Variants in RIMS1 observed in about 807,000 individuals in gnomAD.
RIMS1 encodes the protein regulating synaptic membrane exocytosis 1, also known as regulating synaptic membrane exocytosis protein 1.
In RIMS1, 83 loss-of-function variants were observed where a neutral mutation model predicts 214.1. The observed-to-expected ratio is 0.39, with a 90% CI of 0.32 to 0.47. RIMS1 has a LOEUF of 0.47. RIMS1 is among the 20% of genes least tolerant of loss of function. The pLI is 0.99. For synonymous variants in RIMS1, 793 were observed against 786.8 expected (o/e 1.01, Z -0.13); for missense variants, 2,050 against 2,161.8 (o/e 0.95, Z 1.03).
At chr6:72,400,437 C>A in intron 33 of RIMS1, 59 bp from the exon 34 acceptor site, 2 of 1,442,238 alleles carry the variant, frequency 1.4e-6, no homozygotes, top group Non-Finnish European at 2.0e-6. Context: ...TTGCTTTGAG[C>A]CCTTCGAATG....
At chr6:72,114,253 T>C (rs2036642333) in intron 4 of RIMS1, among the ~76,000 whole-genome samples, 1 of 152,032 alleles carries the variant, frequency 6.6e-6, no homozygotes, top group African/African-American at 2.4e-5. Context: ...TTTAAATGTG[T>C]ACAGAGTAGT....
chr6:72,202,883 A>C (rs1157932484), intron 6 of RIMS1, among the ~76,000 whole-genome samples: 1 of 152,240 alleles, frequency 6.6e-6, no homozygotes, highest in Non-Finnish European at 1.5e-5. Context: ...TAATAATTGC[A>C]CATACCGCAT....
At position 72,260,722 on chromosome 6, in the gene RIMS1, C is replaced by T; in HGVS notation, c.3071C>T (p.Pro1024Leu). 2 of 1,612,426 alleles carry T rather than the reference C, an allele frequency of 1.2e-6. No homozygotes were observed. The highest frequency in any genetic ancestry group is 1.7e-6 in the Non-Finnish European group (2 of 1,178,960). ...CTGTGCAGTGAGCTTCTTATGCTGC[C>T]CAGAGCAAAACGAGGACGAAGTGCA... is the stretch of plus-strand genomic sequence containing the variant. ...SEQDSELLML[P>L]RAKRGRSAEC... is the part of the protein sequence containing the mutation. The change falls in exon 19 of 34, where the codon CCC (proline) becomes CTC (leucine). Residue 1024 changes from proline to leucine, a missense_variant. Physicochemically the swap from Pro to Leu is moderately conservative, Grantham distance 98 (BLOSUM62 -3). This residue lies in a region of RIMS1 where 889 missense variants were observed against 885.5 expected (regional missense o/e 1.00). Transcript: ENST00000521978.
At chr6:72,129,314 A>G (rs560940278) in intron 4 of RIMS1, among the ~76,000 whole-genome samples, 4 of 152,304 alleles carry the variant, frequency 2.6e-5, no homozygotes, top group Non-Finnish European at 2.9e-5. Flanking sequence ...ACATTTCACT[A>G]TATAGAGAAT....
chr6:71,949,430 A>T (rs1182266280), intron 1 of RIMS1, among the ~76,000 whole-genome samples: 1 of 152,060 alleles, frequency 6.6e-6, no homozygotes, highest in African/African-American at 2.4e-5. Flanking sequence ...AGCAACCACC[A>T]ATTTTCTTTT....
intron 2 of RIMS1, among the ~76,000 whole-genome samples, chr6:71,991,476 G>A (rs1038157170): frequency 2.0e-5 from 3 of 152,144 alleles, no homozygotes; most frequent in Non-Finnish European, 4.4e-5. Flanking sequence ...CAAACTGAGT[G>A]TAGTTTATTT....
At chr6:71,936,326 C>CAAAAAAAAAA (rs4034728) in intron 1 of RIMS1, among the ~76,000 whole-genome samples, 7 of 68,690 alleles carry the variant, frequency 1.0e-4, no homozygotes, top group Non-Finnish European at 1.6e-4. Context: ...GACTCCGTCT[C>CAAAAAAAAAA]AAAAAAAAAA....
chr6:72,195,159 G>A (rs1406468472), intron 6 of RIMS1, among the ~76,000 whole-genome samples: 4 of 152,116 alleles, frequency 2.6e-5, no homozygotes, highest in Admixed American at 2.0e-4. Flanking sequence ...TAAATCCTAA[G>A]GCAGGGAGTT....
chr6:72,214,342 T>C (rs1439857062), intron 6 of RIMS1, among the ~76,000 whole-genome samples: 1 of 152,076 alleles, frequency 6.6e-6, no homozygotes, highest in Admixed American at 6.5e-5. Context: ...CAGGGTTTGG[T>C]AAAAAATTGC....
At chr6:72,312,087 AT>A (rs1442991687) in intron 27 of RIMS1, among the ~76,000 whole-genome samples, 2 of 152,176 alleles carry the variant, frequency 1.3e-5, no homozygotes, top group African/African-American at 4.8e-5. Context: ...TTATTGTCTA[AT>A]CTTCTTTTTA....
intron 6 of RIMS1, among the ~76,000 whole-genome samples, chr6:72,232,966 A>C (rs1330239509): frequency 6.6e-6 from 1 of 151,758 alleles, no homozygotes; most frequent in Non-Finnish European, 1.5e-5. Flanking sequence ...TGCAGAGAAA[A>C]ATTTTATTGA....
At chr6:71,915,110 G>A (rs957382040) in intron 1 of RIMS1, among the ~76,000 whole-genome samples, 5 of 151,948 alleles carry the variant, frequency 3.3e-5, no homozygotes, top group African/African-American at 1.2e-4. Flanking sequence ...ACAGACCCAA[G>A]GCCTTCTATT....
chr6:72,029,154 C>T (rs948083229), intron 2 of RIMS1, among the ~76,000 whole-genome samples: 2 of 152,110 alleles, frequency 1.3e-5, no homozygotes, highest in African/African-American at 4.8e-5. Flanking sequence ...TGGCTTGATC[C>T]TATCACCTCT....
intron 1 of RIMS1, among the ~76,000 whole-genome samples, chr6:71,949,391 G>T (rs953758635): frequency 6.6e-6 from 1 of 152,012 alleles, no homozygotes; most frequent in African/African-American, 2.4e-5. Flanking sequence ...TGCTCTATTC[G>T]CCATGCATCA....
chr6:72,182,025 C>T (rs1421713300), intron 5 of RIMS1, among the ~76,000 whole-genome samples: 1 of 152,194 alleles, frequency 6.6e-6, no homozygotes, highest in Non-Finnish European at 1.5e-5. Flanking sequence ...ACAAGAGCAA[C>T]TATGCTTCAA....
chr6:71,953,136 C>T (rs1790152762), intron 1 of RIMS1, among the ~76,000 whole-genome samples: 1 of 151,936 alleles, frequency 6.6e-6, no homozygotes, highest in African/African-American at 2.4e-5. Flanking sequence ...AACAGGTGCA[C>T]ACCACCACAC....
chr6:71,959,918 T>C (rs1016313729), intron 1 of RIMS1, among the ~76,000 whole-genome samples: 1 of 152,122 alleles, frequency 6.6e-6, no homozygotes, highest in Non-Finnish European at 1.5e-5. Flanking sequence ...AAAGCACCAG[T>C]CATAATATAT....
intron 24 of RIMS1, among the ~76,000 whole-genome samples, chr6:72,285,687 A>T (rs914833017): frequency 6.6e-6 from 1 of 152,180 alleles, no homozygotes; most frequent in African/African-American, 2.4e-5. Flanking sequence ...TTGATGAAAC[A>T]ATGTTTGTAT....
intron 1 of RIMS1, among the ~76,000 whole-genome samples, chr6:71,930,094 T>C (rs1417876291): frequency 6.6e-6 from 1 of 152,036 alleles, no homozygotes; most frequent in Non-Finnish European, 1.5e-5. Flanking sequence ...AAAATATGTA[T>C]GTGTAAAAAA....
Sources: allele counts gnomAD v4.1 joint callset (sites outside exome capture counted in the v4.1 genomes callset), GRCh38; gene constraint gnomAD v4.1.1; regional missense constraint gnomAD v4.1.1; transcripts MANE v1.5; gene names NCBI Gene and HGNC (gene_info 2026-07-23, HGNC 2026-07-21).